The following HK2 variants were observed in gnomAD, a reference collection of about 807,000 sequenced individuals.
HK2 encodes the protein hexokinase 2, also known as hexokinase-2.
Under a neutral mutation model 92.9 loss-of-function variants are expected in HK2, and 42 were observed. That is an observed-to-expected ratio of 0.45 (90% CI 0.35 to 0.58). The LOEUF (loss-of-function observed/expected upper bound fraction) is 0.58, where lower values mean the gene tolerates loss of function less well. Among genes scored for constraint, HK2 ranks in the 20% least tolerant of loss-of-function variants. The pLI is 0.00. For synonymous variants in HK2, 422 were observed against 468.0 expected, an observed-to-expected ratio of 0.90 and a Z score of 1.27; for missense variants, 978 against 1,245.1, an observed-to-expected ratio of 0.79 and a Z score of 3.23.
chr2:74,890,684 CTTAA>C (rs1689655233), intron 17 of HK2, 109 bp from the exon 18 acceptor site: 5 of 1,175,396 alleles, frequency 4.3e-6, no homozygotes, highest in Non-Finnish European at 6.4e-6. Flanking sequence ...TTCTCCTCTT[CTTAA>C]TTATTTCTGT....
intron 17 of HK2, among the ~76,000 whole-genome samples, chr2:74,890,475 T>C (rs1689648982): frequency 6.6e-6 from 1 of 152,218 alleles, no homozygotes; most frequent in South Asian, 2.1e-4. Context: ...TCCATGGTTG[T>C]TGAACTTCTC....
intron 1 of HK2, among the ~76,000 whole-genome samples, chr2:74,836,745 AAGC>A (rs1170381465): frequency 6.6e-6 from 1 of 152,196 alleles, no homozygotes; most frequent in Non-Finnish European, 1.5e-5. Context: ...GTTACATAGA[AAGC>A]AGAGACTCAG....
chr2:74,887,090 G>A (rs796395303), intron 15 of HK2, among the ~76,000 whole-genome samples: 6 of 152,354 alleles, frequency 3.9e-5, no homozygotes, highest in African/African-American at 1.4e-4. Context: ...AAGGTCCTGT[G>A]CATGGTAGGG....
chr2:74,885,145 G>T (rs552655047), intron 12 of HK2, among the ~76,000 whole-genome samples: 3 of 152,334 alleles, frequency 2.0e-5, no homozygotes, highest in Admixed American at 2.0e-4. Context: ...GAGGGCCTCG[G>T]AGTGCATCCT....
At chr2:74,874,211 A>G (rs1245810155) in intron 6 of HK2, 55 bp from the exon 7 acceptor site, 11 of 1,602,098 alleles carry the variant, frequency 6.9e-6, no homozygotes, top group African/African-American at 1.3e-5. Flanking sequence ...AAGAGGGAAG[A>G]GGGGTGGGAA....
chr2:74,855,673 C>T (rs1688679191), intron 2 of HK2, among the ~76,000 whole-genome samples: 1 of 152,232 alleles, frequency 6.6e-6, no homozygotes, highest in African/African-American at 2.4e-5. Context: ...AAGCCTAAAA[C>T]ATTTAATCTC....
chr2:74,840,887 A>C lies in HK2; in HGVS notation c.63+6244A>C, dbSNP rs1172186828. On this transcript the variant is annotated intron_variant, in intron 1 of 17. Transcript: ENST00000290573. ...GAGCAAGACTCTGTCTCAAAAAAAA[A>C]AAAAAAAAAAAAAAAAAGCTGTGGG... Among the ~76,000 whole-genome samples the C allele has an allele frequency of 8.1e-5, 11 of 136,404 alleles. 1 individual carries two copies. Among genetic ancestry groups the C allele is most frequent in the East Asian group, 4.0e-4 (2 of 5,050 alleles). 89.5% of individuals were successfully genotyped at this position (136,404 alleles called of 152,430 possible).
At position 74,889,432 on chromosome 2, in the gene HK2, A is replaced by T; in HGVS notation, c.2563A>T (p.Lys855Ter). 1 of 1,613,896 alleles carries T rather than the reference A, an allele frequency of 6.2e-7. No homozygotes were observed. Among genetic ancestry groups the T allele is most frequent in the Non-Finnish European group, 8.5e-7 (1 of 1,179,910 alleles). ...IRENRGLDAL[K>*]VTVGVDGTLY... ...AGAAAACCGTGGGCTGGACGCTCTC[A>T]AAGTGACAGTGGGTGTGGATGGGAC... Residue 855 changes from lysine (K) to a stop codon, truncating the protein, a stop_gained, in exon 17 of 18, where the codon AAA (lysine) becomes TAA (stop). Coordinates refer to ENST00000290573, the MANE Select transcript of HK2 (RefSeq NM_000189.5). LOFTEE classifies it high-confidence loss of function.
In HK2 at chr2:74,874,356, G is replaced by C; in HGVS notation, c.782G>C (p.Trp261Ser). The change falls in exon 7 of 18, where the codon TGG becomes TCG. Residue 261 changes from tryptophan (W) to serine (S), a missense_variant. Coordinates refer to ENST00000290573, the MANE Select transcript of HK2 (RefSeq NM_000189.5). Reference protein sequence around the residue: ...DEGRMCINMEWGAFGDDGSLN... With the variant: ...DEGRMCINMESGAFGDDGSLN... Reference sequence around the variant, plus strand: ...GGGCGGATGTGTATCAATATGGAGTGGGGGGCCTTCGGGGACGATGGCTCG... The same window carrying C: ...GGGCGGATGTGTATCAATATGGAGTCGGGGGCCTTCGGGGACGATGGCTCG... The C allele has an allele frequency of 1.2e-6, 2 of 1,613,928 alleles. No homozygotes were observed. Among genetic ancestry groups the C allele is most frequent in the Non-Finnish European group, 1.7e-6 (2 of 1,179,876 alleles).
Position 74,881,842 on chromosome 2 carries a change from C to A in HK2, c.1702C>A (p.His568Asn). Reference protein sequence around the residue: ...KIYAIPQEVMHGTGDELFDHI... With the variant: ...KIYAIPQEVMNGTGDELFDHI... ...CTACGCCATCCCGCAGGAGGTCATG[C>A]ACGGCACCGGGGACGAGGTGAGCAG... is the stretch of plus-strand genomic sequence containing the variant. The change falls in exon 11 of 18, where the codon CAC (histidine) becomes AAC (asparagine). Residue 568 changes from histidine to asparagine, a missense_variant. Physicochemically the swap from His to Asn is moderately conservative, Grantham distance 68. Transcript: ENST00000290573. 6.2e-7 allele frequency: 1 copy of A among 1,614,208 alleles called. No homozygotes were observed. Among genetic ancestry groups the A allele is most frequent in the Non-Finnish European group, 8.5e-7 (1 of 1,180,032 alleles).
At chr2:74,850,859 T>C (rs1351182763) in intron 1 of HK2, among the ~76,000 whole-genome samples, 2 of 152,212 alleles carry the variant, frequency 1.3e-5, no homozygotes, top group Non-Finnish European at 2.9e-5. Context: ...TAATTATCCC[T>C]TCCTGAGTGG....
intron 13 of HK2, 123 bp downstream of exon 13, chr2:74,885,712 A>T: frequency 1.4e-6 from 1 of 737,400 alleles, no homozygotes; most frequent in Non-Finnish European, 2.4e-6. Flanking sequence ...GATTAACTCA[A>T]GCGTCGTTCA....
chr2:74,878,621 C>T, intron 8 of HK2, 67 bp from the exon 9 acceptor site: 1 of 1,289,026 alleles, frequency 7.8e-7, no homozygotes, highest in Admixed American at 2.0e-5. Flanking sequence ...TCCTTGCCAC[C>T]CCCCGACACA....
chr2:74,837,672 CTTTTTTTTTT>C (rs894014535), intron 1 of HK2, among the ~76,000 whole-genome samples: 2 of 104,134 alleles, frequency 1.9e-5, no homozygotes, highest in African/African-American at 3.7e-5. Context: ...TTGCCCTTGT[CTTTTTTTTTT>C]TTTTTTTTTT....
At chr2:74,869,463 C>G (rs1414397917) in intron 3 of HK2, among the ~76,000 whole-genome samples, 2 of 152,128 alleles carry the variant, frequency 1.3e-5, no homozygotes, top group African/African-American at 4.8e-5. Context: ...TGGTTAAGAA[C>G]AAATCTTGGA....
At chr2:74,869,991 C>CT (rs1558798287) in intron 3 of HK2, among the ~76,000 whole-genome samples, 1 of 138,554 alleles carries the variant, frequency 7.2e-6, no homozygotes, top group Non-Finnish European at 1.5e-5. Flanking sequence ...GGTCTTTTTT[C>CT]TTTTCTTTTC....
intron 7 of HK2, among the ~76,000 whole-genome samples, chr2:74,876,087 G>A (rs1257449864): frequency 6.6e-6 from 1 of 152,226 alleles, no homozygotes; most frequent in Non-Finnish European, 1.5e-5. Context: ...ATCCACGCTG[G>A]TTTCCTTCTC....
intron 8 of HK2, 72 bp from the exon 9 acceptor site, chr2:74,878,616 G>C (rs1363691386): frequency 8.1e-7 from 1 of 1,236,286 alleles, no homozygotes; most frequent in African/African-American, 1.5e-5. Context: ...GGGCTTCCTT[G>C]CCACCCCCCG....
chr2:74,872,166 A>C, intron 3 of HK2, 134 bp from the exon 4 acceptor site: 1 of 861,476 alleles, frequency 1.2e-6, no homozygotes, highest in Non-Finnish European at 1.9e-6. Flanking sequence ...TTTGTAGGTG[A>C]GCAAATGAAG....
Sources: gnomAD v4.1 joint callset for allele counts (sites outside exome capture counted in the v4.1 genomes callset) on GRCh38, gnomAD v4.1.1 for gene constraint, MANE v1.5 for transcripts, NCBI Gene and HGNC (gene_info 2026-07-23, HGNC 2026-07-21) for gene names.